LGR5: variants seen among roughly 807,000 people sequenced by gnomAD.
LGR5 encodes leucine-rich repeat-containing G protein-coupled receptor 5.
In LGR5, 54 loss-of-function variants were observed where a neutral mutation model predicts 76.7. That is an observed-to-expected ratio of 0.70 (90% CI 0.57 to 0.88). The LOEUF (loss-of-function observed/expected upper bound fraction) is 0.88. Ranked by LOEUF, LGR5 falls within the 40% of genes least tolerant of loss-of-function variation. LGR5 has a pLI of 0.00. For synonymous variants in LGR5, 406 were observed against 421.9 expected, an observed-to-expected ratio of 0.96 and a Z score of 0.46; for missense variants, 1,078 against 1,073.3, an observed-to-expected ratio of 1.00 and a Z score of -0.06.
intron 8 of LGR5, among the ~76,000 whole-genome samples, chr12:71,565,648 A>G (rs1007273229): frequency 6.6e-6 from 1 of 150,480 alleles, no homozygotes; most frequent in Non-Finnish European, 1.5e-5. Flanking sequence ...CAAAGTAGTT[A>G]CCCAATGACA....
intron 1 of LGR5, among the ~76,000 whole-genome samples, chr12:71,487,519 A>G (rs1873884502): frequency 6.6e-6 from 1 of 152,126 alleles, no homozygotes; most frequent in South Asian, 2.1e-4. Context: ...GGCTCAAGCA[A>G]TCCTCCCACC....
At chr12:71,472,714 C>G (rs1383465858) in intron 1 of LGR5, among the ~76,000 whole-genome samples, 1 of 152,190 alleles carries the variant, frequency 6.6e-6, no homozygotes, top group Non-Finnish European at 1.5e-5. Flanking sequence ...AAGGATAGGG[C>G]TGGGGGATCC....
At chr12:71,561,927 A>G in intron 8 of LGR5, 75 bp downstream of exon 8, 4 of 897,236 alleles carry the variant, frequency 4.5e-6, no homozygotes, top group Non-Finnish European at 6.8e-6. Flanking sequence ...TACAATGAAT[A>G]TTCTATATTT....
intron 11 of LGR5, among the ~76,000 whole-genome samples, chr12:71,568,346 A>T (rs1038966670): frequency 6.6e-6 from 1 of 152,310 alleles, no homozygotes; most frequent in African/African-American, 2.4e-5. Context: ...TCAGTTTCCC[A>T]GTCTATAAAA....
chr12:71,511,096 A>T (rs1359863884), intron 2 of LGR5, among the ~76,000 whole-genome samples: 1 of 152,110 alleles, frequency 6.6e-6, no homozygotes, highest in Non-Finnish European at 1.5e-5. Context: ...AACCTAAAAG[A>T]TTTCTCTGAT....
At chr12:71,566,267 AG>A (rs1449516985) in intron 8 of LGR5, 136 bp from the exon 9 acceptor site, 2 of 632,438 alleles carry the variant, frequency 3.2e-6, no homozygotes, top group African/African-American at 3.7e-5. Flanking sequence ...CCTGAAACCA[AG>A]GAATTGGGAA....
chr12:71,547,291 TATA>T (rs1413878714), intron 4 of LGR5, among the ~76,000 whole-genome samples: 1 of 152,202 alleles, frequency 6.6e-6, no homozygotes, highest in Non-Finnish European at 1.5e-5. Context: ...GAAACCTTGC[TATA>T]ATACTAATTA....
intron 2 of LGR5, among the ~76,000 whole-genome samples, chr12:71,511,500 C>G (rs1169632176): frequency 2.6e-5 from 4 of 152,132 alleles, no homozygotes; most frequent in African/African-American, 7.2e-5. Flanking sequence ...TTCTCGAAAT[C>G]TAGTGACATC....
At chr12:71,471,778 GC>G (rs769393236) in intron 1 of LGR5, among the ~76,000 whole-genome samples, 2 of 151,850 alleles carry the variant, frequency 1.3e-5, no homozygotes, top group Non-Finnish European at 2.9e-5. Flanking sequence ...AGTAATAACA[GC>G]CCCCACCACA....
At chr12:71,563,120 G>C (rs1435468077) in intron 8 of LGR5, among the ~76,000 whole-genome samples, 2 of 152,066 alleles carry the variant, frequency 1.3e-5, no homozygotes, top group Non-Finnish European at 2.9e-5. Flanking sequence ...GGAACTAGCG[G>C]CGCCAACCCC....
chr12:71,444,050 C>T (rs1332631722), intron 1 of LGR5, among the ~76,000 whole-genome samples: 2 of 151,848 alleles, frequency 1.3e-5, no homozygotes, highest in Non-Finnish European at 1.5e-5. Context: ...AATCAGGCAC[C>T]GCCTTAATAT....
chr12:71,515,879 A>T (rs1411754147), intron 2 of LGR5, among the ~76,000 whole-genome samples: 1 of 152,208 alleles, frequency 6.6e-6, no homozygotes, highest in South Asian at 2.1e-4. Flanking sequence ...CTGCTATTAC[A>T]TGGCTTCCAT....
intron 1 of LGR5, among the ~76,000 whole-genome samples, chr12:71,453,191 A>G (rs1490736269): frequency 6.6e-6 from 1 of 152,360 alleles, no homozygotes; most frequent in Admixed American, 6.5e-5. Context: ...TCACCCAACA[A>G]CTGTTATAAA....
intron 2 of LGR5, among the ~76,000 whole-genome samples, chr12:71,512,922 T>C (rs1325323860): frequency 6.6e-6 from 1 of 152,164 alleles, no homozygotes; most frequent in African/African-American, 2.4e-5. Context: ...AGGTGATGGT[T>C]GAAGGTGCTG....
intron 1 of LGR5, among the ~76,000 whole-genome samples, chr12:71,495,937 G>A (rs74101861): frequency 0.023 from 3,466 of 152,208 alleles, 135 homozygotes; most frequent in African/African-American, 0.079. Flanking sequence ...AAGATAAAAT[G>A]TTCTGCTGGC....
intron 2 of LGR5, among the ~76,000 whole-genome samples, chr12:71,510,990 C>T (rs950731227): frequency 6.6e-6 from 1 of 152,148 alleles, no homozygotes; most frequent in Admixed American, 6.5e-5. Context: ...AAGACCAGAT[C>T]GTGCAGGGCC....
At chr12:71,543,651 G>A (rs1876996011) in intron 4 of LGR5, among the ~76,000 whole-genome samples, 1 of 152,222 alleles carries the variant, frequency 6.6e-6, no homozygotes, top group Admixed American at 6.5e-5. Context: ...AATTATTTAA[G>A]GCGTAACTTC....
In LGR5 at chr12:71,524,470, A is replaced by G. The variant is rs371640496; in HGVS notation, c.349A>G (p.Lys117Glu). ...KGAFTGLYSL[K>E]VLMLQNNQLR... ...AGCATTCACTGGCCTTTACAGTCTT[A>G]AAGTTCTGTAAGTAAACTGAGTGTT... The change falls in exon 3 of 18, where the codon AAA becomes GAA. Residue 117 changes from lysine to glutamate, a missense_variant. Coordinates refer to ENST00000266674, the MANE Select transcript of LGR5 (RefSeq NM_003667.4). 6.2e-7 allele frequency: 1 copy of G among 1,606,416 alleles called. No homozygotes were observed. Among genetic ancestry groups the G allele is most frequent in the Non-Finnish European group, 8.5e-7 (1 of 1,173,378 alleles).
Position 71,564,674 on chromosome 12 carries a change from A to G in LGR5, c.858-1730A>G, listed in dbSNP as rs1878229033. Among the ~76,000 whole-genome samples, 5 of 76,892 alleles carry G rather than the reference A, an allele frequency of 6.5e-5. 1 individual carries two copies. The highest frequency in any genetic ancestry group is 1.5e-4 in the Admixed American group (1 of 6,692). The allele number at this position is 76,892 out of a possible 152,430, so 50.4% of individuals were successfully genotyped here. ...ATATACATATATGTACACACACTGT[A>G]TATATACATATATACATATATGTAC... On this transcript the variant is annotated intron_variant, in intron 8 of 17. Transcript: ENST00000266674.
Sources: gnomAD v4.1 joint callset for allele counts (sites outside exome capture counted in the v4.1 genomes callset) on GRCh38, gnomAD v4.1.1 for gene constraint, MANE v1.5 for transcripts, NCBI Gene and HGNC (gene_info 2026-07-23, HGNC 2026-07-21) for gene names.